TMTC2: variants seen among roughly 807,000 people sequenced by gnomAD.
The protein encoded by TMTC2 is transmembrane O-mannosyltransferase targeting cadherins 2.
TMTC2 carries 43 observed loss-of-function variants against 82.4 expected under a neutral mutation model. That is an observed-to-expected ratio of 0.52 (90% confidence interval 0.41 to 0.67). The LOEUF (loss-of-function observed/expected upper bound fraction) is 0.67. Ranked by LOEUF, TMTC2 falls within the 30% of genes least tolerant of loss-of-function variation. The probability of loss-of-function intolerance (pLI) is 0.00; values close to 1 mark genes in which losing one functional copy is unlikely to be tolerated. For missense variants in TMTC2, 919 were observed against 1,012.4 expected (o/e 0.91, Z 1.25); for synonymous variants, 408 against 381.9 (o/e 1.07, Z -0.80).
intron 11 of TMTC2, among the ~76,000 whole-genome samples, chr12:83,077,908 CAG>C (rs1883341908): frequency 1.6e-5 from 1 of 61,904 alleles, no homozygotes; most frequent in African/African-American, 7.2e-5. Context: ...TTTTTTTTAA[CAG>C]GGGCCTCAGC....
chr12:82,906,174 C>G (rs2137200056), intron 3 of TMTC2, among the ~76,000 whole-genome samples: 1 of 152,128 alleles, frequency 6.6e-6, no homozygotes, highest in East Asian at 1.9e-4. Context: ...TTGACTATTT[C>G]CTTGTGGATT....
At chr12:82,888,892 C>T (rs3993373) in intron 2 of TMTC2, among the ~76,000 whole-genome samples, 2 of 152,022 alleles carry the variant, frequency 1.3e-5, no homozygotes, top group African/African-American at 2.4e-5. Flanking sequence ...AGGTAACAAT[C>T]GCAAGATAAG....
chr12:82,731,628 C>T (rs1874814164), intron 1 of TMTC2, among the ~76,000 whole-genome samples: 1 of 152,110 alleles, frequency 6.6e-6, no homozygotes, highest in East Asian at 1.9e-4. Context: ...TAGACTATTA[C>T]TATAAATAAT....
intron 3 of TMTC2, among the ~76,000 whole-genome samples, chr12:82,920,761 A>T (rs543310617): frequency 2.7e-4 from 41 of 152,290 alleles, no homozygotes; most frequent in African/African-American, 9.6e-4. Flanking sequence ...TACTAATTAT[A>T]TATGCTTAGT....
chr12:83,129,546 A>G (rs953740771), intron 11 of TMTC2, among the ~76,000 whole-genome samples: 1 of 152,228 alleles, frequency 6.6e-6, no homozygotes, highest in Non-Finnish European at 1.5e-5. Flanking sequence ...GCAATTTAGT[A>G]ATAATAGTGA....
chr12:82,913,770 C>T (rs1245699348), intron 3 of TMTC2, among the ~76,000 whole-genome samples: 2 of 152,010 alleles, frequency 1.3e-5, no homozygotes, highest in Non-Finnish European at 2.9e-5. Context: ...TTTTTCAGTT[C>T]ATACAAAAAT....
chr12:82,714,017 G>A (rs961273237), intron 1 of TMTC2, among the ~76,000 whole-genome samples: 3 of 152,228 alleles, frequency 2.0e-5, no homozygotes, highest in African/African-American at 7.2e-5. Flanking sequence ...CACGTGAGGT[G>A]TAGAAATCAT....
At chr12:83,123,363 C>T (rs992310482) in intron 11 of TMTC2, among the ~76,000 whole-genome samples, 1 of 152,190 alleles carries the variant, frequency 6.6e-6, no homozygotes, top group African/African-American at 2.4e-5. Context: ...GAATCATTTC[C>T]ATGATCTGTC....
intron 3 of TMTC2, among the ~76,000 whole-genome samples, chr12:82,925,635 A>G (rs1015304675): frequency 1.3e-5 from 2 of 152,254 alleles, no homozygotes; most frequent in African/African-American, 4.8e-5. Flanking sequence ...ACAATATATT[A>G]ATTTTTTAAT....
chr12:82,760,208 A>G (rs1349186435), intron 1 of TMTC2: 1 of 152,066 alleles, frequency 6.6e-6, no homozygotes, highest in East Asian at 1.9e-4. Context: ...TTATTTTAAA[A>G]TATGTAATCA....
At chr12:83,028,929 T>G (rs1438202407) in intron 8 of TMTC2, among the ~76,000 whole-genome samples, 2 of 152,196 alleles carry the variant, frequency 1.3e-5, no homozygotes, top group Non-Finnish European at 2.9e-5. Flanking sequence ...TAATTACTGC[T>G]ATTTGACAAG....
intron 1 of TMTC2, among the ~76,000 whole-genome samples, chr12:82,790,487 T>C (rs1331202737): frequency 2.6e-5 from 4 of 152,064 alleles, no homozygotes; most frequent in African/African-American, 9.7e-5. Context: ...GATGTTGATT[T>C]TCCTGGGAAG....
At chr12:82,829,918 A>G (rs1284800535) in intron 1 of TMTC2, among the ~76,000 whole-genome samples, 1 of 152,174 alleles carries the variant, frequency 6.6e-6, no homozygotes, top group Non-Finnish European at 1.5e-5. Context: ...GTGGGGAAAG[A>G]TAAAAGTCCT....
intron 8 of TMTC2, among the ~76,000 whole-genome samples, chr12:82,998,082 T>C (rs764758910): frequency 1.3e-5 from 2 of 152,212 alleles, no homozygotes; most frequent in African/African-American, 2.4e-5. Context: ...ATTTACCTGG[T>C]AAACTGGTAG....
At chr12:83,053,680 C>T (rs977773551) in intron 10 of TMTC2, among the ~76,000 whole-genome samples, 1 of 152,026 alleles carries the variant, frequency 6.6e-6, no homozygotes, top group African/African-American at 2.4e-5. Flanking sequence ...TTCCAATAGA[C>T]CCATTCCAGC....
At chr12:82,714,999 C>T (rs577125089) in intron 1 of TMTC2, among the ~76,000 whole-genome samples, 2 of 151,980 alleles carry the variant, frequency 1.3e-5, no homozygotes, top group Admixed American at 6.5e-5. Flanking sequence ...CTGCCGGGCA[C>T]GGTGGCTCGC....
At chr12:83,023,155 C>T (rs545498830) in intron 8 of TMTC2, among the ~76,000 whole-genome samples, 23 of 152,104 alleles carry the variant, frequency 1.5e-4, no homozygotes, top group Non-Finnish European at 3.1e-4. Context: ...AATAGCGTGT[C>T]ATATGAACAC....
At chr12:83,023,181 C>T (rs540511544) in intron 8 of TMTC2, among the ~76,000 whole-genome samples, 45 of 152,202 alleles carry the variant, frequency 3.0e-4, no homozygotes, top group African/African-American at 9.9e-4. Flanking sequence ...TTTATGAACC[C>T]TCAGGAATAT....
chr12:82,996,607 C>T (rs1182918942), intron 8 of TMTC2, among the ~76,000 whole-genome samples: 1 of 152,140 alleles, frequency 6.6e-6, no homozygotes, highest in Admixed American at 6.5e-5. Flanking sequence ...CAGAATGACT[C>T]ATGTGTAAGT....
Sources: gnomAD v4.1 joint callset for allele counts (sites outside exome capture counted in the v4.1 genomes callset) on GRCh38, gnomAD v4.1.1 for gene constraint, MANE v1.5 for transcripts, NCBI Gene and HGNC (gene_info 2026-07-23, HGNC 2026-07-21) for gene names.